The following KATNIP variants were observed in gnomAD, a reference collection of about 807,000 sequenced individuals.
KATNIP encodes the protein katanin interacting protein.
KATNIP carries 126 observed loss-of-function variants against 174.0 expected under a neutral mutation model. The ratio of observed to expected loss-of-function variants is 0.72; its 90% confidence interval spans 0.63 to 0.84. The LOEUF (loss-of-function observed/expected upper bound fraction) is 0.84. KATNIP is among the 40% of genes least tolerant of loss of function. The pLI, the probability that KATNIP is intolerant of heterozygous loss-of-function variation, is 0.00. For missense variants in KATNIP, 1,958 were observed against 2,109.7 expected, an observed-to-expected ratio of 0.93 and a Z score of 1.41; for synonymous variants, 810 against 835.7, an observed-to-expected ratio of 0.97 and a Z score of 0.53.
chr16:27,592,781 C>T (rs2075218506), intron 2 of KATNIP, among the ~76,000 whole-genome samples: 1 of 152,174 alleles, frequency 6.6e-6, no homozygotes, highest in Non-Finnish European at 1.5e-5. Flanking sequence ...TCTCGAACTC[C>T]TGACCTCAGG....
rs116121597 is a variant in KATNIP, at chr16:27,694,899, C to G, written c.941-3429C>G. On this transcript the variant is annotated intron_variant, in intron 8 of 27. Coordinates refer to ENST00000261588, the MANE Select transcript of KATNIP (RefSeq NM_015202.5). ...TCAACTCAGCAGCTCTGTTCTGATG[C>G]CACACTCACATCTTGAACCCAGCTT... Among the ~76,000 whole-genome samples the G allele has an allele frequency of 3.3e-3, 500 of 152,346 alleles. 7 individuals carry two copies. The highest frequency in any genetic ancestry group is 0.012 in the African/African-American group (481 of 41,570).
intron 5 of KATNIP, among the ~76,000 whole-genome samples, chr16:27,640,938 C>G (rs937019654): frequency 2.6e-5 from 4 of 152,054 alleles, no homozygotes; most frequent in Admixed American, 2.6e-4. Context: ...GAGTTCGATA[C>G]CAGCCTGGCT....
chr16:27,679,479 G>A (rs1259185446), intron 7 of KATNIP, among the ~76,000 whole-genome samples: 1 of 152,122 alleles, frequency 6.6e-6, no homozygotes. Flanking sequence ...AGGGGGCCAG[G>A]CACAGTGGCT....
chr16:27,616,503 A>G (rs1329668731), intron 2 of KATNIP, among the ~76,000 whole-genome samples: 2 of 152,150 alleles, frequency 1.3e-5, no homozygotes, highest in Non-Finnish European at 2.9e-5. Flanking sequence ...AGGCAGGCAG[A>G]TTACATGAGG....
chr16:27,648,463 C>T, intron 5 of KATNIP, 141 bp from the exon 6 acceptor site: 1 of 958,228 alleles, frequency 1.0e-6, no homozygotes, highest in Non-Finnish European at 1.6e-6. Flanking sequence ...CATGACACCA[C>T]TGCTGTTGCA....
At chr16:27,652,214 T>C (rs2077141527) in intron 6 of KATNIP, among the ~76,000 whole-genome samples, 1 of 151,994 alleles carries the variant, frequency 6.6e-6, no homozygotes, top group South Asian at 2.1e-4. Context: ...AGGAAGGGGA[T>C]AGAGAAAAAT....
At position 27,645,438 on chromosome 16, in the gene KATNIP, G is replaced by A. The variant is rs116240005; in HGVS notation, c.409-3166G>A. ...TAGCATGCCGGAGTCTAGAACCTGG[G>A]CCCTTCACCACACAGGAGCCACGGT... On this transcript the variant is annotated intron_variant, in intron 5 of 27. Coordinates refer to ENST00000261588, the MANE Select transcript of KATNIP (RefSeq NM_015202.5). 3.9e-3 allele frequency among the ~76,000 whole-genome samples: 599 copies of A among 152,300 alleles called. 2 individuals are homozygous for A. Among genetic ancestry groups the A allele is most frequent in the Middle Eastern group, 0.017 (5 of 294 alleles).
intron 12 of KATNIP, 132 bp downstream of exon 12, chr16:27,704,130 C>CT (rs1446530618): frequency 1.5e-6 from 1 of 686,592 alleles, no homozygotes; most frequent in African/African-American, 1.8e-5. Flanking sequence ...CCGCCCCCCC[C>CT]CTCCCTGGCA....
intron 6 of KATNIP, among the ~76,000 whole-genome samples, chr16:27,652,042 C>CT (rs1267947408): frequency 6.6e-6 from 1 of 152,192 alleles, no homozygotes; most frequent in Non-Finnish European, 1.5e-5. Context: ...TTCTTATACA[C>CT]TAACAGTGAC....
At chr16:27,678,043 A>G (rs1357338108) in intron 7 of KATNIP, 47 bp downstream of exon 7, 2 of 1,590,862 alleles carry the variant, frequency 1.3e-6, no homozygotes, top group Admixed American at 1.7e-5. Context: ...GTGTCTCTGC[A>G]TCTAATAGCA....
intron 4 of KATNIP, among the ~76,000 whole-genome samples, chr16:27,630,840 T>C (rs1255138394): frequency 6.6e-6 from 1 of 152,232 alleles, no homozygotes; most frequent in African/African-American, 2.4e-5. Flanking sequence ...TATTATTCCA[T>C]GGCATGGATA....
At chr16:27,719,415 C>T (rs561181737) in intron 13 of KATNIP, among the ~76,000 whole-genome samples, 1 of 152,348 alleles carries the variant, frequency 6.6e-6, no homozygotes, top group East Asian at 1.9e-4. Flanking sequence ...CTTCATCACC[C>T]AGGCTGGAGT....
intron 13 of KATNIP, chr16:27,718,613 C>T (rs2080067270): frequency 6.6e-6 from 1 of 152,170 alleles, no homozygotes; most frequent in South Asian, 2.1e-4. Flanking sequence ...AATTACAGTC[C>T]CCTAGCCCAC....
chr16:27,642,855 A>G (rs1461714749), intron 5 of KATNIP, among the ~76,000 whole-genome samples: 1 of 141,442 alleles, frequency 7.1e-6, no homozygotes, highest in Non-Finnish European at 1.5e-5. Flanking sequence ...CAATCCTCCC[A>G]CCTCAGCCTC....
At chr16:27,601,375 G>A (rs1402354444) in intron 2 of KATNIP, among the ~76,000 whole-genome samples, 1 of 152,162 alleles carries the variant, frequency 6.6e-6, no homozygotes, top group Non-Finnish European at 1.5e-5. Flanking sequence ...GAGGCCCCTG[G>A]AAGAGGGGAT....
chr16:27,718,787 G>T (rs2080075080), intron 13 of KATNIP: 1 of 135,516 alleles, frequency 7.4e-6, no homozygotes, highest in Non-Finnish European at 1.7e-5. Flanking sequence ...TAGAGCTGGA[G>T]AAACTTGCCA....
At chr16:27,572,729 G>C (rs1014056842) in intron 1 of KATNIP, among the ~76,000 whole-genome samples, 1 of 152,154 alleles carries the variant, frequency 6.6e-6, no homozygotes, top group Non-Finnish European at 1.5e-5. Flanking sequence ...AGAGAGGAGG[G>C]CAGTTTAGGG....
At position 27,703,985 on chromosome 16, in the gene KATNIP, T is replaced by TA. The variant is rs2079200323; in HGVS notation, c.1377dup (p.Ser460IlefsTer43). On this transcript the variant is annotated frameshift_variant, in exon 12 of 28. Coordinates refer to ENST00000261588, the MANE Select transcript of KATNIP (RefSeq NM_015202.5). LOFTEE classifies it high-confidence loss of function. ...GTGGTTTCACCAACCAAGGAGCAAG[T>TA]ATCAGACACAGAGGTGAGAGCCTTG... is the stretch of plus-strand genomic sequence containing the variant. 1 of 1,613,852 alleles carries TA rather than the reference T, an allele frequency of 6.2e-7. No homozygotes were observed. The highest frequency in any genetic ancestry group is 1.3e-5 in the African/African-American group (1 of 74,928).
At chr16:27,756,950 T>C (rs142298161) in intron 18 of KATNIP, among the ~76,000 whole-genome samples, 125 of 152,306 alleles carry the variant, frequency 8.2e-4, no homozygotes, top group African/African-American at 2.8e-3. Context: ...ATGCCTCCTT[T>C]CTACCCAGCA....
Sources: gnomAD v4.1 joint callset for allele counts (sites outside exome capture counted in the v4.1 genomes callset) on GRCh38, gnomAD v4.1.1 for gene constraint, MANE v1.5 for transcripts, NCBI Gene and HGNC (gene_info 2026-07-23, HGNC 2026-07-21) for gene names.